EFHC1: variants seen among roughly 807,000 people sequenced by gnomAD.
EFHC1 encodes the protein EF-hand domain-containing protein 1.
EFHC1 carries 53 observed loss-of-function variants against 69.9 expected under a neutral mutation model. The observed-to-expected ratio is 0.76, with a 90% CI of 0.61 to 0.95. The LOEUF (loss-of-function observed/expected upper bound fraction) is 0.95. Among genes scored for constraint, EFHC1 ranks in the 40% least tolerant of loss-of-function variants. The pLI is 0.00. For synonymous variants in EFHC1, 256 were observed against 278.4 expected (o/e 0.92, Z 0.80); for missense variants, 739 against 798.7 (o/e 0.93, Z 0.90).
chr6:52,439,044 G>GT (rs2113980154), intron 3 of EFHC1, among the ~76,000 whole-genome samples: 1 of 152,162 alleles, frequency 6.6e-6, no homozygotes, highest in Admixed American at 6.5e-5. Flanking sequence ...TATATTCTAG[G>GT]AAAGCTTACC....
At chr6:52,472,269 C>T (rs934453166) in intron 7 of EFHC1, among the ~76,000 whole-genome samples, 2 of 152,084 alleles carry the variant, frequency 1.3e-5, no homozygotes, top group African/African-American at 4.8e-5. Flanking sequence ...GATGAAATGT[C>T]GAAAGGGTAC....
intron 1 of EFHC1, among the ~76,000 whole-genome samples, chr6:52,423,121 T>C (rs771833141): frequency 6.6e-6 from 1 of 152,224 alleles, no homozygotes; most frequent in African/African-American, 2.4e-5. Context: ...GGTAGAATTA[T>C]TGAGTTCAAG....
At position 52,490,351 on chromosome 6, in the gene EFHC1, G is replaced by A. The variant is rs1314129602; in HGVS notation, c.1851+1G>A. ...AGTGGATGACTCCTTGGTTAAGGAG[G>A]TCAGTATGAATTACTCTTCTGAGTT... On this transcript the variant is annotated splice_donor_variant, in intron 10 of 10. Coordinates refer to ENST00000371068, the MANE Select transcript of EFHC1 (RefSeq NM_018100.4). LOFTEE classifies it high-confidence loss of function. 1 of 1,612,186 alleles carries A rather than the reference G, an allele frequency of 6.2e-7. No homozygotes were observed. Among genetic ancestry groups the A allele is most frequent in the East Asian group, 2.2e-5 (1 of 44,876 alleles).
chr6:52,490,427 G>A, intron 10 of EFHC1, 77 bp downstream of exon 10: 1 of 1,269,114 alleles, frequency 7.9e-7, no homozygotes, highest in Non-Finnish European at 1.1e-6. Context: ...AATTGTGTGT[G>A]TATTTCACTA....
chr6:52,428,688 A>G (rs1764354298), intron 2 of EFHC1, among the ~76,000 whole-genome samples: 2 of 152,104 alleles, frequency 1.3e-5, no homozygotes, highest in Admixed American at 6.6e-5. Flanking sequence ...TTCTTTTCCA[A>G]TGGGTAGATA....
chr6:52,473,703 G>T (rs1360722439), intron 7 of EFHC1, among the ~76,000 whole-genome samples: 1 of 151,804 alleles, frequency 6.6e-6, no homozygotes, highest in African/African-American at 2.4e-5. Flanking sequence ...AATCACTTGA[G>T]TCTGGGGGGC....
At chr6:52,429,106 G>A (rs960522707) in intron 2 of EFHC1, among the ~76,000 whole-genome samples, 2 of 152,158 alleles carry the variant, frequency 1.3e-5, no homozygotes, top group African/African-American at 2.4e-5. Context: ...TTTGTCAGAT[G>A]TATAGATTAT....
Position 52,449,244 on chromosome 6 carries a change from G to A in EFHC1, c.574-3444G>A, listed in dbSNP as rs143488878. On this transcript the variant is annotated intron_variant, in intron 3 of 10. Transcript: ENST00000371068. ...TAAAAATACAAAAAATTAGCCAGGC[G>A]TGGTGGCAGGCGCCTGTAGTCCCAG... Among the ~76,000 whole-genome samples the A allele has an allele frequency of 7.1e-3, 1,088 of 152,194 alleles. 11 individuals carry two copies. The highest frequency in any genetic ancestry group is 0.021 in the African/African-American group (892 of 41,504).
At chr6:52,459,909 C>T (rs1242172958) in intron 5 of EFHC1, among the ~76,000 whole-genome samples, 2 of 152,136 alleles carry the variant, frequency 1.3e-5, no homozygotes, top group Admixed American at 6.5e-5. Context: ...CTCCTGACCT[C>T]GTGATCCACC....
At chr6:52,479,283 G>A in intron 8 of EFHC1, 33 bp downstream of exon 8, 1 of 1,609,750 alleles carries the variant, frequency 6.2e-7, no homozygotes, top group Non-Finnish European at 8.5e-7. Context: ...ATTTCCTACT[G>A]GCTGCCTGAA....
chr6:52,462,129 A>T (rs1765181190), intron 5 of EFHC1, among the ~76,000 whole-genome samples: 1 of 151,958 alleles, frequency 6.6e-6, no homozygotes, highest in African/African-American at 2.4e-5. Flanking sequence ...TTTTCAACAA[A>T]ATTAAGTTAG....
rs1187798055 is a variant in EFHC1 at position 52,493,378 on chromosome 6, A to G, written c.*1037A>G. On this transcript the variant is annotated 3_prime_UTR_variant, in exon 11 of 11. Coordinates refer to ENST00000371068, the MANE Select transcript of EFHC1 (RefSeq NM_018100.4). ...TCTCTCTCTCTACATATATATATATATATATATTTTATATGTACACATTCA... is the reference window on the plus strand; with the variant it reads ...TCTCTCTCTCTACATATATATATATGTATATATTTTATATGTACACATTCA... 4 of 220,710 alleles carry G rather than the reference A, an allele frequency of 1.8e-5. No individual in the cohort carries two copies. Among genetic ancestry groups the G allele is most frequent in the South Asian group, 5.7e-5 (1 of 17,414 alleles). The allele number at this position is 220,710 out of a possible 1,614,324, so 13.7% of individuals were successfully genotyped here. A position where few individuals can be genotyped will look rare whatever the true frequency, so the allele number is the denominator to read the frequency against.
At position 52,424,147 on chromosome 6, in the gene EFHC1, C is replaced by T; in HGVS notation, c.265C>T (p.His89Tyr). 1.2e-6 allele frequency: 2 copies of T among 1,613,996 alleles called. No homozygotes were observed. Among genetic ancestry groups the T allele is most frequent in the Non-Finnish European group, 1.7e-6 (2 of 1,179,916 alleles). ...QAPPADFIPA[H>Y]VAFDKKVLKF... ...CCCACCTGCGGATTTTATTCCTGCG[C>T]ATGTGGCCTTTGACAAAAAGGTATC... Residue 89 changes from histidine to tyrosine, a missense_variant, in exon 2 of 11, where the codon CAT (histidine) becomes TAT (tyrosine). By Grantham distance (83) the His-to-Tyr change is moderately conservative. Coordinates refer to ENST00000371068, the MANE Select transcript of EFHC1 (RefSeq NM_018100.4).
At chr6:52,479,273 A>G in intron 8 of EFHC1, 23 bp downstream of exon 8, 1 of 1,612,482 alleles carries the variant, frequency 6.2e-7, no homozygotes, top group Non-Finnish European at 8.5e-7. Context: ...ACAGTCCAGA[A>G]TTTCCTACTG....
intron 3 of EFHC1, among the ~76,000 whole-genome samples, chr6:52,444,799 C>G (rs1319900497): frequency 6.6e-6 from 1 of 152,100 alleles, no homozygotes; most frequent in Non-Finnish European, 1.5e-5. Context: ...TGATGTTGGC[C>G]TCATAAAATG....
At chr6:52,433,600 CTG>C (rs1764463000) in intron 2 of EFHC1, among the ~76,000 whole-genome samples, 1 of 152,160 alleles carries the variant, frequency 6.6e-6, no homozygotes, top group African/African-American at 2.4e-5. Flanking sequence ...GAAACGGACT[CTG>C]TGAGGGTCCT....
At chr6:52,461,191 A>G (rs1214650699) in intron 5 of EFHC1, among the ~76,000 whole-genome samples, 1 of 152,144 alleles carries the variant, frequency 6.6e-6, no homozygotes, top group Non-Finnish European at 1.5e-5. Context: ...AACACCCATC[A>G]GTTATTTTTC....
chr6:52,452,710 T>C lies in EFHC1; in HGVS notation c.596T>C (p.Ile199Thr), dbSNP rs910546077. 2.5e-6 allele frequency: 4 copies of C among 1,614,078 alleles called. No homozygotes were observed. Among genetic ancestry groups the C allele is most frequent in the Non-Finnish European group, 2.5e-6 (3 of 1,180,032 alleles). ...TAGGTATTTTTAGAAAGCCAAGGAA[T>C]TGAGTTAAATCCACCAGAGAAGATG... ...FTQVFLESQGIELNPPEKMAL... is the reference protein window; with the variant it reads ...FTQVFLESQGTELNPPEKMAL... Residue 199 changes from isoleucine (I) to threonine (T), a missense_variant, in exon 4 of 11, where the codon ATT (isoleucine) becomes ACT (threonine). Ile to Thr is a moderately conservative substitution (Grantham distance 89, BLOSUM62 -1). Transcript: ENST00000371068.
intron 10 of EFHC1, 66 bp from the exon 11 acceptor site, chr6:52,492,204 C>T: frequency 7.2e-7 from 1 of 1,395,918 alleles, no homozygotes; most frequent in South Asian, 1.2e-5. Flanking sequence ...CATAAGCGCA[C>T]TCTGCAGTTG....
Sources: gnomAD v4.1 joint callset for allele counts (sites outside exome capture counted in the v4.1 genomes callset) on GRCh38, gnomAD v4.1.1 for gene constraint, MANE v1.5 for transcripts, NCBI Gene and HGNC (gene_info 2026-07-23, HGNC 2026-07-21) for gene names.